DDX10: variants seen among roughly 807,000 people sequenced by gnomAD.
DDX10 encodes the protein probable ATP-dependent RNA helicase DDX10.
In DDX10, 74 loss-of-function variants were observed where a neutral mutation model predicts 104.3. The observed-to-expected ratio is 0.71, with a 90% CI of 0.59 to 0.86. The LOEUF (loss-of-function observed/expected upper bound fraction) is 0.86. Ranked by LOEUF, DDX10 falls within the 40% of genes least tolerant of loss-of-function variation. The probability of loss-of-function intolerance (pLI) is 0.00; values close to 1 mark genes in which losing one functional copy is unlikely to be tolerated. For missense variants in DDX10, 952 were observed against 1,040.0 expected, an observed-to-expected ratio of 0.92 and a Z score of 1.16; for synonymous variants, 351 against 353.4, an observed-to-expected ratio of 0.99 and a Z score of 0.08.
intron 17 of DDX10, among the ~76,000 whole-genome samples, chr11:108,939,276 G>T (rs1157951905): frequency 6.6e-6 from 1 of 152,120 alleles, no homozygotes; most frequent in Non-Finnish European, 1.5e-5. Flanking sequence ...TTGCCTTTGG[G>T]GCTGGATTCA....
At chr11:108,871,213 G>T (rs1490124261) in intron 16 of DDX10, among the ~76,000 whole-genome samples, 3 of 152,034 alleles carry the variant, frequency 2.0e-5, no homozygotes, top group African/African-American at 7.3e-5. Context: ...CACTTAGGCT[G>T]CCCATGTACC....
At position 108,740,708 on chromosome 11, in the gene DDX10, T is replaced by C. The variant is rs538548203; in HGVS notation, c.1965+17246T>C. Among the ~76,000 whole-genome samples the C allele has an allele frequency of 5.9e-5, 9 of 152,274 alleles. No homozygotes were observed. The South Asian group carries it at 1.9e-3, about 32-fold the overall frequency. ...TGTGTGAGATGCTATCTTATTGTGG[T>C]TTTGATTTGCATTTCTCTAATGATT... is the stretch of plus-strand genomic sequence containing the variant. On this transcript the variant is annotated intron_variant, in intron 13 of 17. Coordinates refer to ENST00000322536, the MANE Select transcript of DDX10 (RefSeq NM_004398.4).
intron 6 of DDX10, among the ~76,000 whole-genome samples, chr11:108,687,523 C>G (rs530781045): frequency 1.2e-4 from 18 of 152,106 alleles, no homozygotes; most frequent in Admixed American, 4.6e-4. Flanking sequence ...GTTGCCCAGG[C>G]TGGTGTAGCA....
At chr11:108,817,090 A>G (rs1313984421) in intron 13 of DDX10, among the ~76,000 whole-genome samples, 1 of 152,206 alleles carries the variant, frequency 6.6e-6, no homozygotes, top group Non-Finnish European at 1.5e-5. Context: ...CAATTAGCCT[A>G]TGGCAAAATT....
chr11:108,719,725 T>G, intron 11 of DDX10, 72 bp from the exon 12 acceptor site: 1 of 882,746 alleles, frequency 1.1e-6, no homozygotes, highest in East Asian at 2.7e-5. Flanking sequence ...CATTGGCTAA[T>G]TTTCTTATAT....
chr11:108,824,931 C>T (rs1287896490), intron 13 of DDX10, among the ~76,000 whole-genome samples: 1 of 151,956 alleles, frequency 6.6e-6, no homozygotes, highest in Non-Finnish European at 1.5e-5. Context: ...TTTCCCTTAA[C>T]TATTGTAACA....
intron 13 of DDX10, among the ~76,000 whole-genome samples, chr11:108,725,445 A>G (rs924895343): frequency 2.0e-5 from 3 of 152,068 alleles, no homozygotes; most frequent in Admixed American, 1.3e-4. Flanking sequence ...CAGTGTATAG[A>G]GTTCGAGTTG....
At chr11:108,747,832 T>G (rs2094333708) in intron 13 of DDX10, among the ~76,000 whole-genome samples, 1 of 152,148 alleles carries the variant, frequency 6.6e-6, no homozygotes, top group African/African-American at 2.4e-5. Flanking sequence ...GACCCTAAAG[T>G]TACCGATTCA....
chr11:108,920,948 G>A (rs1863817629), intron 17 of DDX10: 1 of 152,192 alleles, frequency 6.6e-6, no homozygotes, highest in Non-Finnish European at 1.5e-5. Flanking sequence ...TTAGACCCCA[G>A]ATGGCAGATA....
At chr11:108,741,289 T>A (rs1337012193) in intron 13 of DDX10, among the ~76,000 whole-genome samples, 1 of 152,198 alleles carries the variant, frequency 6.6e-6, no homozygotes, top group Non-Finnish European at 1.5e-5. Flanking sequence ...CTATTTGGGC[T>A]ATTTTTTTGG....
rs142204234 is a variant in DDX10, at chr11:108,675,088, T to TTGTGTG, written c.248-476_248-471dup. ...TTTTAAAGGCTGAGTCATATTCCAT[T>TTGTGTG]TGTGTGTGTGTGTGTGTGTGTGTGT... On this transcript the variant is annotated intron_variant, in intron 2 of 17. Coordinates refer to ENST00000322536, the MANE Select transcript of DDX10 (RefSeq NM_004398.4). 9.4e-3 allele frequency among the ~76,000 whole-genome samples: 1,387 copies of TTGTGTG among 146,866 alleles called. 22 individuals carry two copies. Among genetic ancestry groups the TTGTGTG allele is most frequent in the African/African-American group, 0.032 (1,287 of 39,808 alleles).
intron 6 of DDX10, among the ~76,000 whole-genome samples, chr11:108,688,080 A>G (rs991168157): frequency 1.3e-5 from 2 of 152,200 alleles, no homozygotes; most frequent in African/African-American, 4.8e-5. Context: ...CATAATAATT[A>G]ATGTATGTGG....
intron 16 of DDX10, among the ~76,000 whole-genome samples, chr11:108,895,158 G>A (rs145653156): frequency 7.2e-4 from 109 of 152,070 alleles, no homozygotes; most frequent in African/African-American, 2.6e-3. Context: ...TCTTACAAAT[G>A]CTTGGACAGT....
intron 17 of DDX10, among the ~76,000 whole-genome samples, chr11:108,928,775 G>A (rs1242455421): frequency 2.6e-5 from 4 of 152,134 alleles, no homozygotes; most frequent in Non-Finnish European, 4.4e-5. Flanking sequence ...GGTCATTAAT[G>A]TGCAGTAATT....
At chr11:108,841,612 T>C in intron 15 of DDX10, 136 bp downstream of exon 15, 1 of 852,770 alleles carries the variant, frequency 1.2e-6, no homozygotes, top group East Asian at 2.8e-5. Context: ...CTGTGGCTAC[T>C]CTTTTTTCTG....
intron 17 of DDX10, chr11:108,920,394 G>A (rs1465525089): frequency 6.6e-6 from 1 of 152,192 alleles, no homozygotes; most frequent in Non-Finnish European, 1.5e-5. Context: ...GACAGAAATT[G>A]TCTTTTGTTG....
At chr11:108,804,706 C>T (rs1591822816) in intron 13 of DDX10, among the ~76,000 whole-genome samples, 1 of 152,150 alleles carries the variant, frequency 6.6e-6, no homozygotes, top group East Asian at 1.9e-4. Flanking sequence ...AATCCACTTT[C>T]AAGCTCATTC....
intron 13 of DDX10, among the ~76,000 whole-genome samples, chr11:108,812,660 T>C (rs1241048293): frequency 6.6e-6 from 1 of 152,044 alleles, no homozygotes; most frequent in Non-Finnish European, 1.5e-5. Context: ...TGGAGATTTC[T>C]GAAATTGTAA....
At chr11:108,869,066 T>C (rs977016066) in intron 16 of DDX10, among the ~76,000 whole-genome samples, 2 of 150,454 alleles carry the variant, frequency 1.3e-5, no homozygotes, top group Non-Finnish European at 3.0e-5. Flanking sequence ...ATGATAAGGA[T>C]GGACATGGAA....
Sources: gnomAD v4.1 joint callset for allele counts (sites outside exome capture counted in the v4.1 genomes callset) on GRCh38, gnomAD v4.1.1 for gene constraint, MANE v1.5 for transcripts, NCBI Gene and HGNC (gene_info 2026-07-23, HGNC 2026-07-21) for gene names.